The following SNX29 variants were observed in gnomAD, a reference collection of about 807,000 sequenced individuals.
SNX29 encodes the protein sorting nexin-29.
A neutral mutation model predicts 102.1 loss-of-function variants in SNX29; 78 were observed. The observed-to-expected ratio is 0.76, with a 90% CI of 0.64 to 0.92. The LOEUF (loss-of-function observed/expected upper bound fraction) is 0.92. Among genes scored for constraint, SNX29 ranks in the 40% least tolerant of loss-of-function variants. SNX29 has a pLI of 0.00. For synonymous variants in SNX29, 580 were observed against 414.5 expected (o/e 1.40, Z -4.85); for missense variants, 1,280 against 1,061.7 (o/e 1.21, Z -2.86).
intron 13 of SNX29, among the ~76,000 whole-genome samples, chr16:12,183,392 A>G (rs951709135): frequency 1.3e-5 from 2 of 151,976 alleles, no homozygotes; most frequent in African/African-American, 4.8e-5. Context: ...GGATGTACCT[A>G]CCGTCCACCT....
At chr16:12,561,451 A>G (rs1043265432) in intron 20 of SNX29, among the ~76,000 whole-genome samples, 2 of 152,136 alleles carry the variant, frequency 1.3e-5, no homozygotes, top group African/African-American at 2.4e-5. Flanking sequence ...TCTAAGCTTC[A>G]AAGGCAGCTC....
chr16:12,243,290 GTC>G (rs1293590518), intron 14 of SNX29, among the ~76,000 whole-genome samples: 1 of 152,236 alleles, frequency 6.6e-6, no homozygotes, highest in African/African-American at 2.4e-5. Flanking sequence ...GGTGACCAAA[GTC>G]TGACCCCCTA....
chr16:12,489,294 A>AC (rs1371577049), intron 19 of SNX29, among the ~76,000 whole-genome samples: 2 of 152,110 alleles, frequency 1.3e-5, no homozygotes, highest in African/African-American at 4.8e-5. Flanking sequence ...GGAAAAAAAA[A>AC]AAAAATTCAG....
At chr16:12,541,298 G>T (rs902783975) in intron 20 of SNX29, among the ~76,000 whole-genome samples, 1 of 152,124 alleles carries the variant, frequency 6.6e-6, no homozygotes, top group African/African-American at 2.4e-5. Flanking sequence ...CTAACAGTGG[G>T]GATGGTCAGC....
intron 15 of SNX29, among the ~76,000 whole-genome samples, chr16:12,350,272 C>A (rs773450580): frequency 6.6e-6 from 1 of 152,122 alleles, no homozygotes; most frequent in Non-Finnish European, 1.5e-5. Context: ...CTGTACTGAA[C>A]GTGTACAGAC....
intron 18 of SNX29, among the ~76,000 whole-genome samples, chr16:12,424,955 A>G (rs1043763225): frequency 2.0e-5 from 3 of 151,228 alleles, no homozygotes; most frequent in Non-Finnish European, 4.4e-5. Context: ...AGACAAATGG[A>G]TAAATAAATT....
chr16:12,533,545 T>C (rs1050336573), intron 20 of SNX29, among the ~76,000 whole-genome samples: 1 of 152,194 alleles, frequency 6.6e-6, no homozygotes, highest in Non-Finnish European at 1.5e-5. Context: ...TTTGTCCTCA[T>C]TTCTTACTTT....
intron 11 of SNX29, chr16:12,088,130 C>T (rs1197800099): frequency 4.4e-6 from 2 of 456,600 alleles, no homozygotes; most frequent in Admixed American, 2.3e-5. Context: ...CTGCAGGGCA[C>T]CAGCTCAGTC....
chr16:12,519,430 C>T (rs1218926765), intron 19 of SNX29, among the ~76,000 whole-genome samples: 1 of 152,194 alleles, frequency 6.6e-6, no homozygotes, highest in Non-Finnish European at 1.5e-5. Context: ...AACGTTTAAA[C>T]ACAGGCTAGG....
chr16:12,212,474 C>G (rs1028214600), intron 14 of SNX29, among the ~76,000 whole-genome samples: 4 of 147,104 alleles, frequency 2.7e-5, no homozygotes, highest in African/African-American at 7.4e-5. Context: ...GCGGGAAAGG[C>G]AGGCACAGAG....
intron 11 of SNX29, among the ~76,000 whole-genome samples, chr16:12,083,478 C>T (rs1450777499): frequency 6.6e-6 from 1 of 150,746 alleles, no homozygotes; most frequent in African/African-American, 2.5e-5. Flanking sequence ...ATCCTGGTGT[C>T]CCTTATCTCT....
chr16:12,525,747 A>G (rs916456539), intron 20 of SNX29, among the ~76,000 whole-genome samples: 20 of 141,354 alleles, frequency 1.4e-4, no homozygotes, highest in Admixed American at 6.9e-4. Context: ...AAAATTGTCA[A>G]TTAACCCAAC....
chr16:12,320,818 A>G (rs559447651), intron 15 of SNX29, among the ~76,000 whole-genome samples: 36 of 152,310 alleles, frequency 2.4e-4, no homozygotes, highest in African/African-American at 3.6e-4. Flanking sequence ...TCGTGTTCCA[A>G]TTCTTTAGAT....
intron 4 of SNX29, among the ~76,000 whole-genome samples, chr16:12,030,787 C>G (rs1218054120): frequency 6.6e-6 from 1 of 152,198 alleles, no homozygotes. Context: ...GCTCTCTTCC[C>G]TACTGGCTGT....
intron 20 of SNX29, chr16:12,561,055 G>C (rs1598060024): frequency 8.9e-6 from 2 of 224,094 alleles, no homozygotes; most frequent in Non-Finnish European, 1.8e-5. Context: ...CAAGAGGTAG[G>C]AGGTAAAGGC....
rs75835644 is a variant in SNX29 at position 12,535,967 on chromosome 16, C to G, written c.2318+11126C>G. Among the ~76,000 whole-genome samples the G allele has an allele frequency of 9.9e-5, 15 of 152,154 alleles. No homozygotes were observed. In the East Asian group the frequency reaches 2.3e-3, roughly 24 times the overall value. ...TTAAGGAACTTCTGAGAGCTTTGAC[C>G]CCGGCTGAGAAAAGGGGTCTTTGAT... On this transcript the variant is annotated intron_variant, in intron 20 of 20. Coordinates refer to ENST00000566228, the MANE Select transcript of SNX29 (RefSeq NM_032167.5).
intron 18 of SNX29, among the ~76,000 whole-genome samples, chr16:12,444,289 TA>T (rs2085949731): frequency 1.3e-5 from 2 of 151,866 alleles, no homozygotes; most frequent in African/African-American, 2.4e-5. Context: ...ACCTAGCATG[TA>T]GTAAGCACTC....
At chr16:12,535,185 C>G (rs966416839) in intron 20 of SNX29, among the ~76,000 whole-genome samples, 6 of 152,238 alleles carry the variant, frequency 3.9e-5, no homozygotes, top group Non-Finnish European at 5.9e-5. Flanking sequence ...GTCACCAAGG[C>G]TGGAGTGCAG....
At chr16:12,230,773 C>G (rs1002838426) in intron 14 of SNX29, among the ~76,000 whole-genome samples, 1 of 152,086 alleles carries the variant, frequency 6.6e-6, no homozygotes, top group African/African-American at 2.4e-5. Flanking sequence ...GTTGGAGTTG[C>G]AATTGTGACT....
Sources: gnomAD v4.1 joint callset for allele counts (sites outside exome capture counted in the v4.1 genomes callset) on GRCh38, gnomAD v4.1.1 for gene constraint, MANE v1.5 for transcripts, NCBI Gene and HGNC (gene_info 2026-07-23, HGNC 2026-07-21) for gene names.